The following AGBL4 variants were observed in gnomAD, a reference collection of about 807,000 sequenced individuals.
AGBL4 encodes AGBL carboxypeptidase 4.
Under a neutral mutation model 66.4 loss-of-function variants are expected in AGBL4, and 58 were observed. The ratio of observed to expected loss-of-function variants is 0.87; its 90% CI spans 0.71 to 1.09. The LOEUF is 1.09. AGBL4 is among the 50% of genes least tolerant of loss of function. AGBL4 has a pLI of 0.00. For synonymous variants in AGBL4, 234 were observed against 222.9 expected, an observed-to-expected ratio of 1.05 and a Z score of -0.44; for missense variants, 579 against 631.0, an observed-to-expected ratio of 0.92 and a Z score of 0.88.
intron 6 of AGBL4, among the ~76,000 whole-genome samples, chr1:48,676,579 T>C (rs1646368853): frequency 6.6e-6 from 1 of 152,222 alleles, no homozygotes; most frequent in Admixed American, 6.5e-5. Flanking sequence ...AAATGTTTAC[T>C]GACTAATAGA....
intron 3 of AGBL4, among the ~76,000 whole-genome samples, chr1:49,685,513 T>C (rs975521004): frequency 1.3e-5 from 2 of 152,174 alleles, no homozygotes; most frequent in Non-Finnish European, 2.9e-5. Flanking sequence ...ACTTACACTC[T>C]CACCAGCAGT....
At chr1:48,588,846 A>AGAAGAGAAGG (rs1644869154) in intron 10 of AGBL4, among the ~76,000 whole-genome samples, 1 of 139,516 alleles carries the variant, frequency 7.2e-6, no homozygotes, top group Non-Finnish European at 1.7e-5. Context: ...AGAAGAGAAG[A>AGAAGAGAAGG]GAAGAGAAGA....
intron 1 of AGBL4, among the ~76,000 whole-genome samples, chr1:49,986,330 A>T (rs779175635): frequency 5.3e-5 from 8 of 152,050 alleles, no homozygotes; most frequent in Non-Finnish European, 1.0e-4. Context: ...AATATGATAC[A>T]TATTATTTAC....
At chr1:49,120,111 G>A (rs551988979) in intron 4 of AGBL4, among the ~76,000 whole-genome samples, 9 of 152,246 alleles carry the variant, frequency 5.9e-5, no homozygotes, top group African/African-American at 1.9e-4. Flanking sequence ...ACAGCACACC[G>A]ATGGGTCTTG....
chr1:48,833,948 C>T (rs1014869367), intron 6 of AGBL4, among the ~76,000 whole-genome samples: 1 of 152,132 alleles, frequency 6.6e-6, no homozygotes, highest in East Asian at 1.9e-4. Context: ...GTGGGGTTCC[C>T]ACTCTGGTGT....
intron 4 of AGBL4, among the ~76,000 whole-genome samples, chr1:49,130,795 G>A (rs955575971): frequency 2.0e-5 from 3 of 151,928 alleles, no homozygotes; most frequent in East Asian, 1.9e-4. Flanking sequence ...TTGGCGATGT[G>A]GGCTCTTTTT....
intron 2 of AGBL4, among the ~76,000 whole-genome samples, chr1:49,707,801 T>C (rs908401481): frequency 1.3e-5 from 2 of 152,146 alleles, no homozygotes; most frequent in Non-Finnish European, 2.9e-5. Context: ...TTATTTCTCC[T>C]TCACTTATAA....
intron 4 of AGBL4, among the ~76,000 whole-genome samples, chr1:49,132,944 G>C (rs1400526165): frequency 6.6e-6 from 1 of 152,144 alleles, no homozygotes; most frequent in African/African-American, 2.4e-5. Flanking sequence ...GCACACGTAG[G>C]TTTATTGCAG....
At position 49,659,549 on chromosome 1, in the gene AGBL4, A is replaced by C. The variant is rs1646226447; in HGVS notation, c.282+37764T>G. On this transcript the variant is annotated intron_variant, in intron 3 of 13. Coordinates refer to ENST00000371839, the MANE Select transcript of AGBL4 (RefSeq NM_032785.4). ...AACCAACAAACATCAAAAAATACAA[A>C]GAAGGGCATTACATAATGGTAAAGG... 3.9e-5 allele frequency among the ~76,000 whole-genome samples: 6 copies of C among 152,198 alleles called. No individual in the cohort carries two copies. The South Asian group carries it at 1.2e-3, about 32-fold the overall frequency.
chr1:49,734,641 C>A (rs1649719747), intron 2 of AGBL4, among the ~76,000 whole-genome samples: 1 of 151,928 alleles, frequency 6.6e-6, no homozygotes, highest in South Asian at 2.1e-4. Context: ...AAATTAAGAT[C>A]CAAATAAACA....
At chr1:49,032,781 A>G (rs1241687974) in intron 5 of AGBL4, among the ~76,000 whole-genome samples, 1 of 152,166 alleles carries the variant, frequency 6.6e-6, no homozygotes, top group African/African-American at 2.4e-5. Context: ...GACAGATTCT[A>G]TGGATACTGA....
At chr1:48,922,007 A>C (rs1164455531) in intron 5 of AGBL4, among the ~76,000 whole-genome samples, 2 of 152,198 alleles carry the variant, frequency 1.3e-5, no homozygotes, top group African/African-American at 4.8e-5. Context: ...TACTGGGTAC[A>C]AATAGTACTC....
intron 6 of AGBL4, among the ~76,000 whole-genome samples, chr1:48,766,423 T>C (rs935335274): frequency 6.6e-6 from 1 of 152,118 alleles, no homozygotes; most frequent in African/African-American, 2.4e-5. Context: ...ACATCTAAAT[T>C]CCCCAGCCTA....
At chr1:48,960,785 C>T (rs1335147150) in intron 5 of AGBL4, among the ~76,000 whole-genome samples, 1 of 152,192 alleles carries the variant, frequency 6.6e-6, no homozygotes, top group African/African-American at 2.4e-5. Flanking sequence ...CAGGCTCAAA[C>T]CCATTAGCTG....
chr1:49,561,956 C>T (rs1243756530), intron 3 of AGBL4, among the ~76,000 whole-genome samples: 2 of 151,986 alleles, frequency 1.3e-5, no homozygotes, highest in Admixed American at 1.3e-4. Context: ...TCTCCACATC[C>T]TCTCCAGCAC....
At chr1:49,811,189 C>G (rs997048923) in intron 2 of AGBL4, among the ~76,000 whole-genome samples, 3 of 152,076 alleles carry the variant, frequency 2.0e-5, no homozygotes, top group African/African-American at 7.2e-5. Context: ...TATCTAAGAA[C>G]TTCTATGTTG....
chr1:48,837,042 T>C (rs1646693311), intron 6 of AGBL4, among the ~76,000 whole-genome samples: 1 of 148,298 alleles, frequency 6.7e-6, no homozygotes, highest in South Asian at 2.1e-4. Flanking sequence ...AATATGATAA[T>C]ATATAATTAT....
chr1:49,769,141 C>T (rs924111701), intron 2 of AGBL4, among the ~76,000 whole-genome samples: 3 of 151,840 alleles, frequency 2.0e-5, no homozygotes, highest in African/African-American at 7.3e-5. Context: ...GCCACCACAC[C>T]CAGCCAAAAA....
chr1:49,636,834 T>C (rs1372812976), intron 3 of AGBL4, among the ~76,000 whole-genome samples: 1 of 152,146 alleles, frequency 6.6e-6, no homozygotes, highest in Admixed American at 6.5e-5. Flanking sequence ...CAACAGTTAA[T>C]ACTGAGTGTC....
Sources: gnomAD v4.1 joint callset for allele counts (sites outside exome capture counted in the v4.1 genomes callset) on GRCh38, gnomAD v4.1.1 for gene constraint, MANE v1.5 for transcripts, NCBI Gene and HGNC (gene_info 2026-07-23, HGNC 2026-07-21) for gene names.